MAN1A1: variants seen among roughly 807,000 people sequenced by gnomAD.
The protein encoded by MAN1A1 is mannosyl-oligosaccharide 1,2-alpha-mannosidase IA.
A neutral mutation model predicts 70.8 loss-of-function variants in MAN1A1; 29 were observed. The ratio of observed to expected loss-of-function variants is 0.41; its 90% CI spans 0.31 to 0.56. MAN1A1 has a LOEUF of 0.56. Ranked by LOEUF, MAN1A1 falls within the 20% of genes least tolerant of loss-of-function variation. The pLI is 0.29. For synonymous variants in MAN1A1, 349 were observed against 330.1 expected (o/e 1.06, Z -0.62); for missense variants, 747 against 841.3 (o/e 0.89, Z 1.39).
chr6:119,334,079 T>A (rs892723654), intron 2 of MAN1A1, among the ~76,000 whole-genome samples: 4 of 152,254 alleles, frequency 2.6e-5, no homozygotes, highest in Non-Finnish European at 4.4e-5. Flanking sequence ...TCTTGGAATA[T>A]AACTCTTTTT....
intron 2 of MAN1A1, among the ~76,000 whole-genome samples, chr6:119,332,959 C>T (rs1281681361): frequency 2.6e-5 from 4 of 152,116 alleles, no homozygotes; most frequent in South Asian, 2.1e-4. Flanking sequence ...TGTGTGCCCC[C>T]GGGGTTTGTG....
intron 11 of MAN1A1, among the ~76,000 whole-genome samples, chr6:119,185,012 T>G (rs760786): frequency 6.6e-6 from 1 of 151,852 alleles, no homozygotes; most frequent in Non-Finnish European, 1.5e-5. Flanking sequence ...CTTCAGCCTC[T>G]TGAGTAGCTA....
intron 4 of MAN1A1, among the ~76,000 whole-genome samples, chr6:119,294,900 T>C (rs1424973035): frequency 6.6e-6 from 1 of 152,140 alleles, no homozygotes; most frequent in Non-Finnish European, 1.5e-5. Flanking sequence ...ATCTCTATTA[T>C]TGTCTTGGGT....
chr6:119,271,006 A>G (rs562406804), intron 5 of MAN1A1, among the ~76,000 whole-genome samples: 2 of 152,272 alleles, frequency 1.3e-5, no homozygotes, highest in South Asian at 4.1e-4. Context: ...TTTCTCTTCC[A>G]TAGAACACAA....
chr6:119,188,670 T>C (rs1015823291), intron 10 of MAN1A1, 93 bp from the exon 11 acceptor site: 3 of 1,149,816 alleles, frequency 2.6e-6, no homozygotes, highest in African/African-American at 3.1e-5. Flanking sequence ...CAGTCATCCC[T>C]CAGTATCTAT....
At chr6:119,274,581 G>A (rs1776004687) in intron 5 of MAN1A1, among the ~76,000 whole-genome samples, 1 of 151,910 alleles carries the variant, frequency 6.6e-6, no homozygotes, top group African/African-American at 2.4e-5. Context: ...TTTCTAAATC[G>A]TGAACATCTA....
intron 5 of MAN1A1, among the ~76,000 whole-genome samples, chr6:119,288,770 C>T (rs1485623449): frequency 6.6e-6 from 1 of 151,510 alleles, no homozygotes; most frequent in African/African-American, 2.4e-5. Flanking sequence ...TAAGAAAAAA[C>T]ATGCTAAGAA....
At chr6:119,336,242 G>C (rs1204997700) in intron 2 of MAN1A1, among the ~76,000 whole-genome samples, 4 of 152,128 alleles carry the variant, frequency 2.6e-5, no homozygotes, top group Non-Finnish European at 5.9e-5. Context: ...GCTAGTTTTT[G>C]TATTTTTCGT....
At chr6:119,195,399 C>T (rs1773541777) in intron 8 of MAN1A1, among the ~76,000 whole-genome samples, 1 of 152,142 alleles carries the variant, frequency 6.6e-6, no homozygotes, top group South Asian at 2.1e-4. Context: ...GTTCTCTCTG[C>T]CTGAAATGGA....
At chr6:119,222,716 G>C (rs1215439411) in intron 6 of MAN1A1, among the ~76,000 whole-genome samples, 1 of 152,128 alleles carries the variant, frequency 6.6e-6, no homozygotes, top group Non-Finnish European at 1.5e-5. Flanking sequence ...ACCATGACTA[G>C]TTTTCTACAG....
At chr6:119,269,273 G>A in intron 5 of MAN1A1, 1 of 284,780 alleles carries the variant, frequency 3.5e-6, no homozygotes, top group South Asian at 2.9e-5. Flanking sequence ...CTCCTGGGTG[G>A]CTGTCACTGC....
chr6:119,297,678 TG>T (rs1170079182), intron 4 of MAN1A1, among the ~76,000 whole-genome samples: 2 of 149,042 alleles, frequency 1.3e-5, no homozygotes, highest in Non-Finnish European at 3.0e-5. Context: ...GATACACCCA[TG>T]AAAAAAATCA....
intron 2 of MAN1A1, among the ~76,000 whole-genome samples, chr6:119,333,452 C>T (rs1300950135): frequency 6.6e-6 from 1 of 152,162 alleles, no homozygotes; most frequent in Non-Finnish European, 1.5e-5. Flanking sequence ...ATATATAATA[C>T]CACTTCTGCA....
intron 8 of MAN1A1, among the ~76,000 whole-genome samples, chr6:119,196,034 C>T (rs193032547): frequency 2.8e-4 from 42 of 152,130 alleles, no homozygotes; most frequent in Middle Eastern, 3.4e-3. Context: ...CATGGTTTGG[C>T]ATTGTCAAAA....
intron 5 of MAN1A1, among the ~76,000 whole-genome samples, chr6:119,271,071 A>G (rs6569062): frequency 0.86 from 131,338 of 152,146 alleles, 57,011 homozygotes; most frequent in Non-Finnish European, 0.91. Context: ...TCATTCCCAC[A>G]TATACATATC....
chr6:119,210,471 T>C (rs1417767028), intron 6 of MAN1A1, among the ~76,000 whole-genome samples: 2 of 152,180 alleles, frequency 1.3e-5, no homozygotes, highest in African/African-American at 2.4e-5. Context: ...ATATACTGCA[T>C]TTTTCACAAA....
chr6:119,298,437 A>G (rs1772283130), intron 4 of MAN1A1, among the ~76,000 whole-genome samples: 1 of 152,176 alleles, frequency 6.6e-6, no homozygotes. Flanking sequence ...TTTATTTTAT[A>G]CTTTTCAGTG....
chr6:119,243,624 A>G (rs2114312717), intron 6 of MAN1A1, among the ~76,000 whole-genome samples: 1 of 152,264 alleles, frequency 6.6e-6, no homozygotes, highest in South Asian at 2.1e-4. Context: ...ATCTTTCACT[A>G]TTAGAAGACA....
At chr6:119,206,055 G>C (rs1773851107) in intron 6 of MAN1A1, among the ~76,000 whole-genome samples, 1 of 152,204 alleles carries the variant, frequency 6.6e-6, no homozygotes, top group Non-Finnish European at 1.5e-5. Context: ...CTTCAAGGAA[G>C]AGACTCCTGA....
Sources: gnomAD v4.1 joint callset for allele counts (sites outside exome capture counted in the v4.1 genomes callset) on GRCh38, gnomAD v4.1.1 for gene constraint, MANE v1.5 for transcripts, NCBI Gene and HGNC (gene_info 2026-07-23, HGNC 2026-07-21) for gene names.